The following GALNT13 variants were observed in gnomAD, a reference collection of about 807,000 sequenced individuals.
GALNT13 encodes UDP-GalNAc:polypeptide N-acetylgalactosaminyltransferase 13.
GALNT13 carries 28 observed loss-of-function variants against 64.2 expected under a neutral mutation model. The ratio of observed to expected loss-of-function variants is 0.44; its 90% CI spans 0.32 to 0.60. The LOEUF (loss-of-function observed/expected upper bound fraction) is 0.60, where lower values mean the gene tolerates loss of function less well. GALNT13 is among the 20% of genes least tolerant of loss of function. The probability of loss-of-function intolerance (pLI) is 0.05; values close to 1 mark genes in which losing one functional copy is unlikely to be tolerated. For synonymous variants in GALNT13, 214 were observed against 224.6 expected (o/e 0.95, Z 0.42); for missense variants, 577 against 669.8 (o/e 0.86, Z 1.53).
intron 3 of GALNT13, among the ~76,000 whole-genome samples, chr2:153,953,815 T>G (rs1692372408): frequency 6.6e-6 from 1 of 152,112 alleles, no homozygotes; most frequent in Admixed American, 6.6e-5. Context: ...TCTTATTCAC[T>G]TTTGTCCCTC....
At chr2:154,253,421 G>C (rs1690194703) in intron 7 of GALNT13, among the ~76,000 whole-genome samples, 1 of 152,136 alleles carries the variant, frequency 6.6e-6, no homozygotes, top group Non-Finnish European at 1.5e-5. Context: ...AAAAACTCCA[G>C]CATTTTTCCA....
At chr2:154,455,300 A>G (rs1311898892), downstream of GALNT13, among the ~76,000 whole-genome samples, 1 of 152,152 alleles carries the variant, frequency 6.6e-6, no homozygotes, top group Non-Finnish European at 1.5e-5. Context: ...CTTGCATCTC[A>G]TTTACAGATG....
intron 3 of GALNT13, among the ~76,000 whole-genome samples, chr2:154,046,595 C>T (rs1036591877): frequency 3.3e-5 from 5 of 152,148 alleles, no homozygotes; most frequent in Admixed American, 3.3e-4. Flanking sequence ...AACTGTGATT[C>T]TCCAAAATTC....
At chr2:153,334,192 T>C in the GALNT13 span, among the ~76,000 whole-genome samples, 2 of 152,172 alleles carry the variant, frequency 1.3e-5, no homozygotes, top group Non-Finnish European at 1.5e-5. Context: ...ATGTGACTTA[T>C]AGGGATAATA....
At chr2:153,635,059 ATAACTAC>A in the GALNT13 span, among the ~76,000 whole-genome samples, 1 of 152,140 alleles carries the variant, frequency 6.6e-6, no homozygotes, top group Non-Finnish European at 1.5e-5. Context: ...TGTGGAACTG[ATAACTAC>A]TTTAGAGGAA....
the GALNT13 span, among the ~76,000 whole-genome samples, chr2:153,115,520 A>G: frequency 1.3e-5 from 2 of 152,180 alleles, no homozygotes; most frequent in Non-Finnish European, 2.9e-5. Flanking sequence ...GATGTATGTG[A>G]CATTTGATCA....
At chr2:153,205,703 T>C in the GALNT13 span, among the ~76,000 whole-genome samples, 4 of 152,200 alleles carry the variant, frequency 2.6e-5, no homozygotes, top group African/African-American at 4.8e-5. Context: ...AGGAGCTGCT[T>C]CATACATCTT....
chr2:154,161,386 T>A (rs983077929), intron 4 of GALNT13, among the ~76,000 whole-genome samples: 9 of 151,556 alleles, frequency 5.9e-5, no homozygotes, highest in African/African-American at 1.9e-4. Context: ...AAAAAAAAAA[T>A]AAATGTGAGT....
the GALNT13 span, among the ~76,000 whole-genome samples, chr2:153,722,971 T>G: frequency 6.6e-6 from 1 of 151,974 alleles, no homozygotes; most frequent in African/African-American, 2.4e-5. Flanking sequence ...AGCATCATTC[T>G]GATACCAAAG....
chr2:153,635,070 A>C, the GALNT13 span, among the ~76,000 whole-genome samples: 5 of 152,170 alleles, frequency 3.3e-5, no homozygotes, highest in South Asian at 1.0e-3. Flanking sequence ...TAACTACTTT[A>C]GAGGAAATTT....
the GALNT13 span, among the ~76,000 whole-genome samples, chr2:153,170,462 A>G: frequency 6.6e-6 from 1 of 152,222 alleles, no homozygotes; most frequent in East Asian, 1.9e-4. Flanking sequence ...AGAAATGTAT[A>G]TATGGATATG....
At chr2:153,594,192 T>G in the GALNT13 span, among the ~76,000 whole-genome samples, 22 of 152,158 alleles carry the variant, frequency 1.4e-4, no homozygotes, top group Non-Finnish European at 1.5e-4. Context: ...CCTCATGCTC[T>G]CTTATATACA....
At chr2:153,844,841 T>C in the GALNT13 span, among the ~76,000 whole-genome samples, 6 of 152,190 alleles carry the variant, frequency 3.9e-5, no homozygotes, top group Non-Finnish European at 8.8e-5. Context: ...GTCATCACTA[T>C]CAACTGTAAA....
chr2:154,085,677 A>G (rs1482202738), intron 3 of GALNT13, among the ~76,000 whole-genome samples: 1 of 152,084 alleles, frequency 6.6e-6, no homozygotes, highest in Admixed American at 6.6e-5. Context: ...GACTACACAT[A>G]GTAATATATT....
At chr2:153,540,040 A>T in the GALNT13 span, among the ~76,000 whole-genome samples, 1 of 152,230 alleles carries the variant, frequency 6.6e-6, no homozygotes, top group African/African-American at 2.4e-5. Context: ...TTGCCAAGAC[A>T]ATGTGGAAAA....
the GALNT13 span, chr2:153,421,985 GTC>G: frequency 6.5e-6 from 1 of 154,052 alleles, no homozygotes; most frequent in Non-Finnish European, 1.5e-5. Context: ...AAAAGCAAAA[GTC>G]AGAAGATACT....
At chr2:153,943,653 C>G (rs1691504404) in intron 2 of GALNT13, among the ~76,000 whole-genome samples, 1 of 152,104 alleles carries the variant, frequency 6.6e-6, no homozygotes, top group African/African-American at 2.4e-5. Flanking sequence ...TGCCACCATG[C>G]CTGGCTAATT....
chr2:153,265,880 GC>G, the GALNT13 span, among the ~76,000 whole-genome samples: 1 of 152,144 alleles, frequency 6.6e-6, no homozygotes, highest in East Asian at 1.9e-4. Flanking sequence ...TAAAATGGCA[GC>G]AATATTTGAG....
At chr2:153,831,230 A>G in the GALNT13 span, among the ~76,000 whole-genome samples, 2 of 152,050 alleles carry the variant, frequency 1.3e-5, no homozygotes, top group South Asian at 4.2e-4. Flanking sequence ...AGTTATCACT[A>G]TTCTATCACC....
Sources: gnomAD v4.1 joint callset for allele counts (sites outside exome capture counted in the v4.1 genomes callset) on GRCh38, gnomAD v4.1.1 for gene constraint, MANE v1.5 for transcripts, NCBI Gene and HGNC (gene_info 2026-07-23, HGNC 2026-07-21) for gene names.